Variants in XRCC4 observed in about 807,000 individuals in gnomAD.
XRCC4 encodes the protein X-ray repair cross complementing 4.
In XRCC4, 28 loss-of-function variants were observed where a neutral mutation model predicts 39.1. That is an observed-to-expected ratio of 0.72 (90% confidence interval 0.53 to 0.98). XRCC4 has a LOEUF of 0.98. Ranked by LOEUF, XRCC4 falls within the 50% of genes least tolerant of loss-of-function variation. The probability of loss-of-function intolerance (pLI) is 0.00; values close to 1 mark genes in which losing one functional copy is unlikely to be tolerated. For missense variants in XRCC4, 350 were observed against 376.4 expected, an observed-to-expected ratio of 0.93 and a Z score of 0.58; for synonymous variants, 123 against 126.4, an observed-to-expected ratio of 0.97 and a Z score of 0.18.
At chr5:83,359,509 G>A in the XRCC4 span, among the ~76,000 whole-genome samples, 5 of 152,094 alleles carry the variant, frequency 3.3e-5, no homozygotes, top group Admixed American at 1.3e-4. Context: ...CAGAAGCAGA[G>A]CACCCTGGGG....
chr5:83,104,070 A>C (rs775915306), intron 1 of XRCC4, among the ~76,000 whole-genome samples: 8 of 152,196 alleles, frequency 5.3e-5, no homozygotes, highest in Non-Finnish European at 1.0e-4. Flanking sequence ...TACAAAACTT[A>C]AAGAATGCAG....
intron 3 of XRCC4, among the ~76,000 whole-genome samples, chr5:83,136,245 T>C (rs1294949140): frequency 6.6e-6 from 1 of 152,232 alleles, no homozygotes; most frequent in East Asian, 1.9e-4. Flanking sequence ...CATCATCTTG[T>C]CTTTAGCAAG....
chr5:83,335,987 A>G (rs1756583112), intron 7 of XRCC4, among the ~76,000 whole-genome samples: 2 of 152,056 alleles, frequency 1.3e-5, no homozygotes, highest in African/African-American at 4.8e-5. Context: ...CTTACAGATG[A>G]GTTTTTTTTA....
chr5:83,289,633 T>C (rs1391270275), intron 7 of XRCC4, among the ~76,000 whole-genome samples: 1 of 151,856 alleles, frequency 6.6e-6, no homozygotes, highest in Non-Finnish European at 1.5e-5. Context: ...CATTCTTGAT[T>C]TTTGTGATTG....
intron 3 of XRCC4, among the ~76,000 whole-genome samples, chr5:83,139,556 A>G (rs376930781): frequency 2.0e-5 from 3 of 152,192 alleles, no homozygotes; most frequent in African/African-American, 7.2e-5. Context: ...ATACAGTCAC[A>G]TGTTGTTTAA....
chr5:83,176,364 ATACTT>A (rs1269475160), intron 3 of XRCC4, among the ~76,000 whole-genome samples: 1 of 152,194 alleles, frequency 6.6e-6, no homozygotes, highest in Non-Finnish European at 1.5e-5. Context: ...ATTGTTGTGA[ATACTT>A]GATGACAGAT....
intron 7 of XRCC4, among the ~76,000 whole-genome samples, chr5:83,286,515 A>G (rs1754738409): frequency 6.6e-6 from 1 of 152,120 alleles, no homozygotes; most frequent in Non-Finnish European, 1.5e-5. Flanking sequence ...GGAAACTCAA[A>G]TAGGAGTTAA....
rs187727575 is a variant in XRCC4 at position 83,250,275 on chromosome 5, A to G, written c.746-8255A>G. Among the ~76,000 whole-genome samples, 1,182 of 152,270 alleles carry G rather than the reference A, an allele frequency of 7.8e-3. 9 individuals are homozygous for G. Among genetic ancestry groups the G allele is most frequent in the South Asian group, 0.018 (86 of 4,830 alleles). On this transcript the variant is annotated intron_variant, in intron 6 of 7. Coordinates refer to ENST00000396027, the MANE Select transcript of XRCC4 (RefSeq NM_003401.5). Reference sequence around the variant, plus strand: ...GAAGGCTTAATGTTGTTCTTTCACAAATTGCTTTTCCCCACTAATGTTTTT... The same window carrying G: ...GAAGGCTTAATGTTGTTCTTTCACAGATTGCTTTTCCCCACTAATGTTTTT...
At chr5:83,192,662 A>G (rs1750766592) in intron 3 of XRCC4, among the ~76,000 whole-genome samples, 1 of 152,164 alleles carries the variant, frequency 6.6e-6, no homozygotes, top group African/African-American at 2.4e-5. Flanking sequence ...ACATAGAGAA[A>G]TGCAGACATA....
chr5:83,113,688 T>G (rs10045744), intron 3 of XRCC4, among the ~76,000 whole-genome samples: 73,637 of 151,450 alleles, frequency 0.49, 18,705 homozygotes, highest in African/African-American at 0.62. Context: ...TGGCGTGATC[T>G]CCATCTCCAC....
intron 6 of XRCC4, among the ~76,000 whole-genome samples, chr5:83,220,155 T>A (rs546967540): frequency 6.6e-6 from 1 of 152,236 alleles, no homozygotes; most frequent in East Asian, 1.9e-4. Flanking sequence ...TAATCAATTT[T>A]TTTGATTAAT....
At chr5:83,124,928 T>G (rs1747185804) in intron 3 of XRCC4, among the ~76,000 whole-genome samples, 1 of 152,224 alleles carries the variant, frequency 6.6e-6, no homozygotes, top group Non-Finnish European at 1.5e-5. Flanking sequence ...CTACATTGTT[T>G]TCCCAAATGG....
chr5:83,301,668 G>A (rs143910393), intron 7 of XRCC4, among the ~76,000 whole-genome samples: 1,681 of 152,200 alleles, frequency 0.011, 18 homozygotes, highest in Non-Finnish European at 0.019. Flanking sequence ...GCCCTGAATG[G>A]TATTGCCTAG....
At chr5:83,173,991 A>G (rs1019362051) in intron 3 of XRCC4, among the ~76,000 whole-genome samples, 1 of 152,148 alleles carries the variant, frequency 6.6e-6, no homozygotes, top group Non-Finnish European at 1.5e-5. Flanking sequence ...TTATTTATCC[A>G]AAACCTGGAC....
At chr5:83,254,841 CT>C (rs1056662094) in intron 6 of XRCC4, among the ~76,000 whole-genome samples, 3 of 152,078 alleles carry the variant, frequency 2.0e-5, no homozygotes, top group African/African-American at 7.2e-5. Context: ...AATCCCAGCG[CT>C]TTGGGAGGCC....
chr5:83,270,769 AT>A (rs959577005), intron 7 of XRCC4, among the ~76,000 whole-genome samples: 14 of 124,186 alleles, frequency 1.1e-4, no homozygotes, highest in African/African-American at 4.4e-4. Flanking sequence ...GAAAAAAAAA[AT>A]ATATACATAT....
At chr5:83,332,226 T>TACACACACAC (rs67822741) in intron 7 of XRCC4, among the ~76,000 whole-genome samples, 2,078 of 141,976 alleles carry the variant, frequency 0.015, 35 homozygotes, top group East Asian at 0.05. Context: ...TTCAATCTTC[T>TACACACACAC]ACACACACAC....
At chr5:83,297,776 T>C (rs768422555) in intron 7 of XRCC4, among the ~76,000 whole-genome samples, 2 of 151,970 alleles carry the variant, frequency 1.3e-5, no homozygotes, top group Non-Finnish European at 2.9e-5. Flanking sequence ...TGTGAAGATA[T>C]GTCTTTTCAT....
chr5:83,164,338 T>C lies in XRCC4; in HGVS notation c.316-31432T>C, dbSNP rs184724828. Reference sequence around the variant, plus strand: ...GTTATGCATCTTTTAAATAATAATATTTTCAATAAATCATTCCTTATAAAA... The same window carrying C: ...GTTATGCATCTTTTAAATAATAATACTTTCAATAAATCATTCCTTATAAAA... On this transcript the variant is annotated intron_variant, in intron 3 of 7. Coordinates refer to ENST00000396027, the MANE Select transcript of XRCC4 (RefSeq NM_003401.5). 5.1e-3 allele frequency among the ~76,000 whole-genome samples: 771 copies of C among 152,270 alleles called. 8 individuals are homozygous for C. The highest frequency in any genetic ancestry group is 0.018 in the African/African-American group (739 of 41,570).
Sources: gnomAD v4.1 joint callset for allele counts (sites outside exome capture counted in the v4.1 genomes callset) on GRCh38, gnomAD v4.1.1 for gene constraint, MANE v1.5 for transcripts, NCBI Gene and HGNC (gene_info 2026-07-23, HGNC 2026-07-21) for gene names.